KAZN: variants seen among roughly 807,000 people sequenced by gnomAD.
KAZN encodes the protein kazrin, periplakin interacting protein.
Under a neutral mutation model 87.4 loss-of-function variants are expected in KAZN, and 40 were observed. The observed-to-expected ratio is 0.46, with a 90% CI of 0.36 to 0.60. KAZN has a LOEUF of 0.60. KAZN is among the 20% of genes least tolerant of loss of function. The probability of loss-of-function intolerance (pLI) is 0.00; values close to 1 mark genes in which losing one functional copy is unlikely to be tolerated. For missense variants in KAZN, 898 were observed against 1,073.9 expected (o/e 0.84, Z 2.29); for synonymous variants, 466 against 458.3 (o/e 1.02, Z -0.22).
At chr1:14,821,161 C>A (rs1303099544) in intron 1 of KAZN, among the ~76,000 whole-genome samples, 5 of 152,052 alleles carry the variant, frequency 3.3e-5, no homozygotes, top group African/African-American at 4.8e-5. Context: ...TTAGTTGTAT[C>A]CTCTTAAAAT....
At chr1:14,229,835 G>A (rs781642707) in intron 2 of KAZN, among the ~76,000 whole-genome samples, 3 of 152,254 alleles carry the variant, frequency 2.0e-5, no homozygotes, top group Non-Finnish European at 2.9e-5. Context: ...TCGCAGGAGC[G>A]TTAGATTCTC....
chr1:14,116,075 C>T (rs997001593), intron 1 of KAZN, among the ~76,000 whole-genome samples: 5 of 150,454 alleles, frequency 3.3e-5, no homozygotes, highest in African/African-American at 5.0e-5. Flanking sequence ...ATAAAGGAAG[C>T]GGAGCATAAA....
chr1:14,883,414 A>AGAAAGAAAGAAG (rs1653693681), intron 1 of KAZN, among the ~76,000 whole-genome samples: 1 of 147,202 alleles, frequency 6.8e-6, no homozygotes, highest in Non-Finnish European at 1.5e-5. Flanking sequence ...AAAGAAAGAA[A>AGAAAGAAAGAAG]GAAAGAAAGA....
At chr1:15,009,887 A>G (rs1429489132) in intron 2 of KAZN, among the ~76,000 whole-genome samples, 1 of 152,222 alleles carries the variant, frequency 6.6e-6, no homozygotes, top group African/African-American at 2.4e-5. Context: ...AAGATGCATC[A>G]TGTCATCTAC....
chr1:15,057,123 C>G (rs1458849055), intron 5 of KAZN, among the ~76,000 whole-genome samples: 1 of 152,162 alleles, frequency 6.6e-6, no homozygotes, highest in Non-Finnish European at 1.5e-5. Context: ...GCCAGCAGGC[C>G]CTGCTATTGC....
At chr1:14,453,448 G>C (rs1467481010) in intron 2 of KAZN, among the ~76,000 whole-genome samples, 2 of 152,050 alleles carry the variant, frequency 1.3e-5, no homozygotes. Context: ...CAAACACAAG[G>C]TGAATGCCAA....
chr1:14,777,692 A>C (rs1557479895), intron 1 of KAZN, among the ~76,000 whole-genome samples: 1 of 151,892 alleles, frequency 6.6e-6, no homozygotes, highest in Non-Finnish European at 1.5e-5. Context: ...CCTCATTGTC[A>C]CTCGGGTCTG....
intron 2 of KAZN, among the ~76,000 whole-genome samples, chr1:14,536,122 C>A (rs913165260): frequency 2.6e-5 from 4 of 152,182 alleles, no homozygotes; most frequent in African/African-American, 9.7e-5. Context: ...CATGGTCAAC[C>A]CAATCCGGGC....
chr1:15,057,847 A>T (rs1638431479), intron 5 of KAZN, among the ~76,000 whole-genome samples: 1 of 152,152 alleles, frequency 6.6e-6, no homozygotes, highest in Non-Finnish European at 1.5e-5. Flanking sequence ...GCAGTTTCTG[A>T]ATCACGTGGG....
intron 1 of KAZN, among the ~76,000 whole-genome samples, chr1:14,655,498 C>T (rs560572423): frequency 2.0e-4 from 31 of 152,298 alleles, no homozygotes; most frequent in South Asian, 1.7e-3. Context: ...TGAAATCCCT[C>T]TTTATGGGTT....
In KAZN at chr1:14,993,606, C is replaced by T. The variant is rs1162137156; in HGVS notation, c.418+32731C>T. Among the ~76,000 whole-genome samples, 4 of 152,306 alleles carry T rather than the reference C, an allele frequency of 2.6e-5. No homozygotes were observed. In the East Asian group the frequency reaches 5.8e-4, roughly 22 times the overall value. ...TCTCGGCCTGCACTCTCCCCCACTC[C>T]CCGCCGCCACCCCCCTGCTGCCTCG... On this transcript the variant is annotated intron_variant, in intron 2 of 14. Transcript: ENST00000376030.
intron 2 of KAZN, among the ~76,000 whole-genome samples, chr1:14,386,150 G>A (rs1164834040): frequency 9.0e-5 from 13 of 144,216 alleles, no homozygotes; most frequent in African/African-American, 3.3e-4. Context: ...GCCTTTTTTT[G>A]TTTTCCATTT....
chr1:14,897,450 G>C (rs1264875301), intron 1 of KAZN, among the ~76,000 whole-genome samples: 1 of 152,136 alleles, frequency 6.6e-6, no homozygotes, highest in Non-Finnish European at 1.5e-5. Context: ...AAAAATTAGA[G>C]AGGACCCCAA....
At chr1:14,211,804 TA>T (rs1469844736) in intron 2 of KAZN, among the ~76,000 whole-genome samples, 7 of 152,206 alleles carry the variant, frequency 4.6e-5, no homozygotes, top group Non-Finnish European at 1.0e-4. Context: ...TACCACTTGT[TA>T]TAGTTCTTAA....
chr1:14,737,339 G>A lies in KAZN; in HGVS notation c.226+138116G>A, dbSNP rs77611504. Among the ~76,000 whole-genome samples the A allele has an allele frequency of 4.0e-3, 613 of 152,206 alleles. 3 individuals are homozygous for A. The highest frequency in any genetic ancestry group is 0.014 in the African/African-American group (574 of 41,544). On this transcript the variant is annotated intron_variant, in intron 1 of 14. Coordinates refer to ENST00000376030, the MANE Select transcript of KAZN (RefSeq NM_201628.3). The stretch of plus-strand genomic sequence containing the variant: ...ATTTGCCACTCAGCAGATGGTTTTC[G>A]AATGGGTGGATCCATTCAGGGATCC...
intron 2 of KAZN, among the ~76,000 whole-genome samples, chr1:14,538,097 C>T (rs746772029): frequency 6.6e-6 from 1 of 152,142 alleles, no homozygotes; most frequent in East Asian, 1.9e-4. Context: ...GGCATCTGAA[C>T]TTAGATCTTG....
intron 2 of KAZN, among the ~76,000 whole-genome samples, chr1:14,375,003 G>A (rs1335992614): frequency 6.6e-6 from 1 of 152,120 alleles, no homozygotes; most frequent in Admixed American, 6.5e-5. Flanking sequence ...CAGCCTTTTG[G>A]GGGCAGAGGC....
At chr1:14,185,384 T>C (rs963703515) in intron 2 of KAZN, among the ~76,000 whole-genome samples, 2 of 152,202 alleles carry the variant, frequency 1.3e-5, no homozygotes, top group African/African-American at 2.4e-5. Flanking sequence ...GAAATACTTA[T>C]ATGGATGCTG....
intron 2 of KAZN, among the ~76,000 whole-genome samples, chr1:14,496,078 A>G (rs1669925374): frequency 1.3e-5 from 2 of 152,144 alleles, no homozygotes; most frequent in Admixed American, 6.5e-5. Context: ...ATTTATTTTC[A>G]CAGTCTCGCT....
Sources: allele counts gnomAD v4.1 joint callset (sites outside exome capture counted in the v4.1 genomes callset), GRCh38; gene constraint gnomAD v4.1.1; transcripts MANE v1.5; gene names NCBI Gene and HGNC (gene_info 2026-07-23, HGNC 2026-07-21).